The following SSU72 variants were observed in gnomAD, a reference collection of about 807,000 sequenced individuals.
SSU72 encodes the protein RNA polymerase II subunit A C-terminal domain phosphatase SSU72.
A neutral mutation model predicts 22.7 loss-of-function variants in SSU72; 12 were observed. The observed-to-expected ratio is 0.53, with a 90% CI of 0.34 to 0.86. The LOEUF (loss-of-function observed/expected upper bound fraction) is 0.86, where lower values mean the gene tolerates loss of function less well. SSU72 is among the 40% of genes least tolerant of loss of function. The pLI is 0.02. For synonymous variants in SSU72, 116 were observed against 98.3 expected (o/e 1.18, Z -1.06); for missense variants, 151 against 249.8 (o/e 0.60, Z 2.67).
chr1:1,558,204 T>TAAAA lies in SSU72; in HGVS notation c.224+6565_224+6568dup, dbSNP rs3073299. 3.0e-3 allele frequency among the ~76,000 whole-genome samples: 382 copies of TAAAA among 126,216 alleles called. 7 individuals are homozygous for TAAAA. Among genetic ancestry groups the TAAAA allele is most frequent in the African/African-American group, 0.011 (348 of 31,154 alleles). 82.8% of individuals were successfully genotyped at this position (126,216 alleles called of 152,430 possible). A position where few individuals can be genotyped will look rare whatever the true frequency, so the allele number is the denominator to read the frequency against. ...CAACAGAGTGAGACTCTGTCTCAAT[T>TAAAA]AAAAAAAAAAAAAAAAGCTGGGCAT... On this transcript the variant is annotated intron_variant, in intron 2 of 4. Transcript: ENST00000291386.
chr1:1,561,729 G>A (rs895085516), intron 2 of SSU72: 1 of 152,230 alleles, frequency 6.6e-6, no homozygotes, highest in Non-Finnish European at 1.5e-5. Flanking sequence ...TTAGCTAAGT[G>A]GCAGGCTTCC....
intron 1 of SSU72, among the ~76,000 whole-genome samples, chr1:1,570,663 G>A (rs577162869): frequency 2.0e-5 from 3 of 152,184 alleles, no homozygotes; most frequent in African/African-American, 4.8e-5. Context: ...AAGCCATCTC[G>A]TGGCAAAAAA....
intron 1 of SSU72, 58 bp downstream of exon 1, chr1:1,574,420 A>AG: frequency 1.3e-6 from 2 of 1,525,412 alleles, no homozygotes; most frequent in South Asian, 2.4e-5. Context: ...GGAACCGGGG[A>AG]GGAGGGAGGG....
At chr1:1,568,732 C>T (rs1642692289) in intron 1 of SSU72, among the ~76,000 whole-genome samples, 1 of 151,936 alleles carries the variant, frequency 6.6e-6, no homozygotes, top group Non-Finnish European at 1.5e-5. Context: ...TGAGACTAGC[C>T]TGACCAACAT....
intron 1 of SSU72, among the ~76,000 whole-genome samples, chr1:1,574,065 G>A (rs1007710201): frequency 2.0e-5 from 3 of 151,276 alleles, no homozygotes; most frequent in Admixed American, 6.6e-5. Flanking sequence ...ACAAATCCAT[G>A]GCATTAAAAA....
At chr1:1,543,845 C>T (rs200503697) in intron 4 of SSU72, 24 bp downstream of exon 4, 22 of 1,579,770 alleles carry the variant, frequency 1.4e-5, no homozygotes, top group South Asian at 3.3e-5. Flanking sequence ...CTCTGCCCAG[C>T]GCGGCGCCCA....
At chr1:1,549,406 G>A (rs866483050) in intron 2 of SSU72, among the ~76,000 whole-genome samples, 8 of 151,498 alleles carry the variant, frequency 5.3e-5, no homozygotes, top group East Asian at 2.0e-4. Context: ...CTGTAGTCCC[G>A]GCTACTCAGG....
chr1:1,571,244 CAAAAAAAAAAAAAA>C (rs753699933), intron 1 of SSU72, among the ~76,000 whole-genome samples: 37 of 46,892 alleles, frequency 7.9e-4, no homozygotes, highest in South Asian at 1.2e-3. Flanking sequence ...GACTCCATCT[CAAAAAAAAAAAAAA>C]AAAAAAAAAA....
rs528770709 is a variant in SSU72, at chr1:1,542,774, G to C, written c.484-607C>G. On this transcript the variant is annotated intron_variant, in intron 4 of 4. Coordinates refer to ENST00000291386, the MANE Select transcript of SSU72 (RefSeq NM_014188.3). The surrounding 1 kb of genome is among the most constrained non-coding windows in gnomAD (Gnocchi z 4.4). The stretch of plus-strand genomic sequence containing the variant: ...CCAACGTGACCCAAGCAGAAATCGT[G>C]CAATAACTTCTGGGACGACATTTTC... Among the ~76,000 whole-genome samples the C allele has an allele frequency of 1.3e-5, 2 of 152,030 alleles. No homozygotes were observed. Among genetic ancestry groups the C allele is most frequent in the East Asian group, 3.9e-4 (2 of 5,156 alleles).
In SSU72 at chr1:1,574,780, C is replaced by T; in HGVS notation, c.-223G>A. 4.2e-6 allele frequency: 1 copy of T among 239,508 alleles called. No individual in the cohort carries two copies. Among genetic ancestry groups the T allele is most frequent in the East Asian group, 1.3e-4 (1 of 7,756 alleles). The allele number at this position is 239,508 out of a possible 1,614,324, so 14.8% of individuals were successfully genotyped here. On this transcript the variant is annotated 5_prime_UTR_variant, in exon 1 of 5. Coordinates refer to ENST00000291386, the MANE Select transcript of SSU72 (RefSeq NM_014188.3). Reference sequence around the variant, plus strand: ...TGGCCTTCGGGCGCGCTGCACTCGGCGAGGCCGGGGGCGGCCAACGCCGCG... The same window carrying T: ...TGGCCTTCGGGCGCGCTGCACTCGGTGAGGCCGGGGGCGGCCAACGCCGCG...
intron 1 of SSU72, among the ~76,000 whole-genome samples, chr1:1,569,202 AAAAC>A (rs1181397059): frequency 1.3e-5 from 2 of 152,128 alleles, no homozygotes; most frequent in Non-Finnish European, 2.9e-5. Context: ...AAAAAACAAA[AAAAC>A]AAAAACAAAA....
At chr1:1,546,185 T>G (rs989787863) in intron 2 of SSU72, 1 of 152,256 alleles carries the variant, frequency 6.6e-6, no homozygotes, top group Non-Finnish European at 1.5e-5. Context: ...CAGGGACAAG[T>G]AACCACTTTC....
chr1:1,546,875 A>C (rs1642396357), intron 2 of SSU72, among the ~76,000 whole-genome samples: 1 of 125,690 alleles, frequency 8.0e-6, no homozygotes, highest in African/African-American at 2.9e-5. Flanking sequence ...AAAAAAAAAA[A>C]AAAAAAAAAG....
chr1:1,547,529 C>A (rs11260610), intron 2 of SSU72, among the ~76,000 whole-genome samples: 434 of 152,358 alleles, frequency 2.8e-3, no homozygotes, highest in African/African-American at 9.3e-3. Flanking sequence ...GCAAGCCCCA[C>A]CAGAGGCTGT....
intron 1 of SSU72, among the ~76,000 whole-genome samples, chr1:1,566,004 C>T (rs1315281559): frequency 1.3e-5 from 2 of 151,912 alleles, no homozygotes; most frequent in East Asian, 1.9e-4. Flanking sequence ...CACCTTCAAT[C>T]CAGGCACTTT....
chr1:1,556,225 G>A (rs1424652709), intron 2 of SSU72, among the ~76,000 whole-genome samples: 1 of 152,228 alleles, frequency 6.6e-6, no homozygotes, highest in African/African-American at 2.4e-5. Context: ...AAGGTCAGGA[G>A]ATGGAGACCA....
chr1:1,569,780 C>T (rs933353137), intron 1 of SSU72, among the ~76,000 whole-genome samples: 1 of 152,182 alleles, frequency 6.6e-6, no homozygotes, highest in Non-Finnish European at 1.5e-5. Context: ...GGACTATAGG[C>T]CGAAGAGCCA....
At chr1:1,574,033 AAG>A (rs202096651) in intron 1 of SSU72, among the ~76,000 whole-genome samples, 2,099 of 51,898 alleles carry the variant, frequency 0.04, 11 homozygotes, top group African/African-American at 0.24. Context: ...AAAAAAAAAA[AAG>A]AAGAAGAAGT....
intron 2 of SSU72, among the ~76,000 whole-genome samples, chr1:1,546,876 A>C (rs1373878589): frequency 3.2e-5 from 4 of 126,586 alleles, no homozygotes; most frequent in African/African-American, 1.2e-4. Flanking sequence ...AAAAAAAAAA[A>C]AAAAAAAAGG....
Sources: gnomAD v4.1 joint callset for allele counts (sites outside exome capture counted in the v4.1 genomes callset) on GRCh38, gnomAD v4.1.1 for gene constraint, Gnocchi (gnomAD v3.1) non-coding constraint, MANE v1.5 for transcripts, NCBI Gene and HGNC (gene_info 2026-07-23, HGNC 2026-07-21) for gene names.